RBBP8NL: variants seen among roughly 807,000 people sequenced by gnomAD.
The protein encoded by RBBP8NL is RBBP8 N-terminal-like protein.
RBBP8NL carries 59 observed loss-of-function variants against 62.2 expected under a neutral mutation model. The observed-to-expected ratio is 0.95, with a 90% CI of 0.77 to 1.18. The LOEUF (loss-of-function observed/expected upper bound fraction) is 1.18. RBBP8NL is among the 50% of genes most tolerant of loss of function. The probability of loss-of-function intolerance (pLI) is 0.00; values close to 1 mark genes in which losing one functional copy is unlikely to be tolerated. For missense variants in RBBP8NL, 896 were observed against 899.5 expected, an observed-to-expected ratio of 1.00 and a Z score of 0.05; for synonymous variants, 412 against 394.1, an observed-to-expected ratio of 1.05 and a Z score of -0.54.
rs969475456 is a variant in RBBP8NL, at chr20:62,410,835, G to T, written c.*43C>A. On this transcript the variant is annotated 3_prime_UTR_variant, in exon 14 of 14. Coordinates refer to ENST00000252998, the MANE Select transcript of RBBP8NL (RefSeq NM_080833.3). ...CCTCTCCAGGCCCTGGTGGGCAGGT[G>T]GAGGGCTGCCCCGGGCTCGCTGTGG... 2.0e-5 allele frequency: 27 copies of T among 1,368,240 alleles called. No homozygotes were observed. The highest frequency in any genetic ancestry group is 2.8e-5 in the Non-Finnish European group (27 of 964,968). The allele number at this position is 1,368,240 out of a possible 1,614,324, so 84.8% of individuals were successfully genotyped here.
At chr20:62,418,769 A>T (rs556045515) in intron 2 of RBBP8NL, among the ~76,000 whole-genome samples, 1 of 152,142 alleles carries the variant, frequency 6.6e-6, no homozygotes, top group African/African-American at 2.4e-5. Flanking sequence ...AGGTAGAGGG[A>T]CCGAGGGGCC....
chr20:62,413,426 C>T lies in RBBP8NL; in HGVS notation c.1650G>A (p.Gln550=). The T allele has an allele frequency of 6.9e-7, 1 of 1,457,780 alleles. No individual in the cohort carries two copies. Among genetic ancestry groups the T allele is most frequent in the Non-Finnish European group, 9.0e-7 (1 of 1,105,926 alleles). 90.3% of individuals were successfully genotyped at this position (1,457,780 alleles called of 1,614,324 possible). A position where few individuals can be genotyped will look rare whatever the true frequency, so the allele number is the denominator to read the frequency against. ...CTGGGTGGCCGTCCAGGTCAGGCGG[C>T]TGTGGGTGGGGAGGCGGCTGTGGGT... ...PPHPQPPPHP[Q]PPDLDGHPEP... is the part of the protein sequence containing the mutation. Residue 550 remains glutamine (Q), a synonymous_variant, in exon 11 of 14, where the codon CAG becomes CAA. Transcript: ENST00000252998.
In RBBP8NL at chr20:62,412,624, C is replaced by A. The variant is rs141582280; in HGVS notation, c.1876G>T (p.Ala626Ser). 1.3e-5 allele frequency: 21 copies of A among 1,603,528 alleles called. No individual in the cohort carries two copies. Among genetic ancestry groups the A allele is most frequent in the Non-Finnish European group, 1.4e-5 (16 of 1,179,754 alleles). The change falls in exon 13 of 14, where the codon GCC (alanine) becomes TCC (serine). Residue 626 changes from alanine (A) to serine (S), a missense_variant and splice_region_variant. Ala to Ser is a moderately conservative substitution (Grantham distance 99, BLOSUM62 1). Coordinates refer to ENST00000252998, the MANE Select transcript of RBBP8NL (RefSeq NM_080833.3). ...RKRASEPGDK[A>S]SKKPSRGRRK... ...TGCACCTGCCCCATGCCAGCTGTAC[C>A]TTTGTCCCCAGGCTCCGAGGCCCGC...
chr20:62,416,073 A>G (rs766896124), intron 6 of RBBP8NL, 91 bp downstream of exon 6: 3 of 1,478,678 alleles, frequency 2.0e-6, no homozygotes, highest in South Asian at 1.2e-5. Flanking sequence ...AGAGTCCTCC[A>G]TGGGCGGTTC....
chr20:62,417,095 G>A, intron 4 of RBBP8NL, 129 bp downstream of exon 4: 1 of 757,708 alleles, frequency 1.3e-6, no homozygotes, highest in Non-Finnish European at 2.1e-6. Context: ...ATGTCCTGCA[G>A]TGGGGAAACC....
chr20:62,413,867 GTGC>G lies in RBBP8NL; in HGVS notation c.1481_1483del (p.Gly494_Thr495delinsAla). On this transcript the variant is annotated inframe_deletion, in exon 10 of 14. Transcript: ENST00000252998. The stretch of plus-strand genomic sequence containing the variant: ...CTGCTCTGGCACTCTGGTCCCCTTG[GTGC>G]CATTGCTGAGTGCCTGGGGACTGCG... 1 of 1,596,466 alleles carries G rather than the reference GTGC, an allele frequency of 6.3e-7. No individual in the cohort carries two copies. The highest frequency in any genetic ancestry group is 2.3e-5 in the East Asian group (1 of 44,198).
chr20:62,415,119 AC>A lies in RBBP8NL; in HGVS notation c.794+1del. 6.8e-7 allele frequency: 1 copy of A among 1,461,224 alleles called. No homozygotes were observed. Among genetic ancestry groups the A allele is most frequent in the South Asian group, 1.4e-5 (1 of 70,252 alleles). 90.5% of individuals were successfully genotyped at this position (1,461,224 alleles called of 1,614,324 possible). ...CTGGGTGAGGGTGGGGCAGGCGGGC[AC>A]CTGTCCAGGGAGAGGCCACGCTCAT... On this transcript the variant is annotated splice_donor_variant, in intron 9 of 13. Coordinates refer to ENST00000252998, the MANE Select transcript of RBBP8NL (RefSeq NM_080833.3). LOFTEE classifies it high-confidence loss of function.
Position 62,410,845 on chromosome 20 carries a change from C to T in RBBP8NL, c.*33G>A, listed in dbSNP as rs753742391. On this transcript the variant is annotated 3_prime_UTR_variant, in exon 14 of 14. Transcript: ENST00000252998. ...CCCTGGTGGGCAGGTGGAGGGCTGC[C>T]CCGGGCTCGCTGTGGACCCTGGTGC... 2.7e-6 allele frequency: 4 copies of T among 1,484,940 alleles called. No homozygotes were observed. The highest frequency in any genetic ancestry group is 1.7e-5 in the Admixed American group (1 of 58,756). The allele number at this position is 1,484,940 out of a possible 1,614,324, so 92.0% of individuals were successfully genotyped here.
Position 62,410,624 on chromosome 20 carries a change from T to C in RBBP8NL, c.*254A>G. The C allele has an allele frequency of 9.9e-6, 5 of 505,642 alleles. No individual in the cohort carries two copies. The South Asian group carries it at 1.6e-4, about 16-fold the overall frequency. The allele number at this position is 505,642 out of a possible 1,614,324, so 31.3% of individuals were successfully genotyped here. On this transcript the variant is annotated 3_prime_UTR_variant, in exon 14 of 14. Coordinates refer to ENST00000252998, the MANE Select transcript of RBBP8NL (RefSeq NM_080833.3). ...ACCCCTCTCGGTCCTCCAGCCCCTC[T>C]TGAAGTGGGCCAGGATGTGCCCGTC...
rs748433153 is a variant in RBBP8NL at position 62,419,630 on chromosome 20, C to T, written c.18G>A (p.Glu6=). The change falls in exon 2 of 14, where the codon GAG becomes GAA. Residue 6 remains glutamate (E), a synonymous_variant. Coordinates refer to ENST00000252998, the MANE Select transcript of RBBP8NL (RefSeq NM_080833.3). ...GGATCTCCTTCAGCCTGTTCAGCGA[C>T]TCCATGAAGCTCTCCATGGCTCCCT... is the stretch of plus-strand genomic sequence containing the variant. MESFM[E]SLNRLKEIHE... is the part of the protein sequence containing the mutation. The T allele has an allele frequency of 3.7e-6, 6 of 1,613,362 alleles. No individual in the cohort carries two copies. In the African/African-American group the frequency reaches 5.3e-5, roughly 14 times the overall value.
rs1988590074 is a variant in RBBP8NL, at chr20:62,417,275, AGCTGGTG to A, written c.142_148del (p.His48SerfsTer8). The A allele has an allele frequency of 1.2e-6, 2 of 1,606,064 alleles. No individual in the cohort carries two copies. Among genetic ancestry groups the A allele is most frequent in the African/African-American group, 1.3e-5 (1 of 74,682 alleles). The stretch of plus-strand genomic sequence containing the variant: ...CTTCAGTGTCTTCTGCTGTTCCCGG[AGCTGGTG>A]GTTCTTGGAGAAGAGCTCCTCGATC... On this transcript the variant is annotated frameshift_variant, in exon 4 of 14. Coordinates refer to ENST00000252998, the MANE Select transcript of RBBP8NL (RefSeq NM_080833.3). LOFTEE classifies it high-confidence loss of function.
Position 62,419,596 on chromosome 20 carries a change from C to T in RBBP8NL, c.52G>A (p.Glu18Lys), listed in dbSNP as rs1384543401. The T allele has an allele frequency of 2.5e-6, 4 of 1,613,632 alleles. No homozygotes were observed. The East Asian group carries it at 8.9e-5, about 36-fold the overall frequency. The stretch of plus-strand genomic sequence containing the variant: ...GTCCCTGGCCCCTCACCCAGGACTT[C>T]CTTCTCGTGGATCTCCTTCAGCCTG... Reference protein sequence around the residue: ...LNRLKEIHEKEVLGLQNKLLE... With the variant: ...LNRLKEIHEKKVLGLQNKLLE... The change falls in exon 2 of 14, where the codon GAA becomes AAA. Residue 18 changes from glutamate (E) to lysine (K), a missense_variant. Coordinates refer to ENST00000252998, the MANE Select transcript of RBBP8NL (RefSeq NM_080833.3).
rs1344277350 is a variant in RBBP8NL at position 62,417,237 on chromosome 20, C to A, written c.187G>T (p.Val63Leu). Reference sequence around the variant, plus strand: ...TCCCAGGCCCACCTGTTCTCCAGCACCCGCAGGTTCTCCTTCAGTGTCTTC... The same window carrying A: ...TCCCAGGCCCACCTGTTCTCCAGCAACCGCAGGTTCTCCTTCAGTGTCTTC... Reference protein sequence around the residue: ...QQKTLKENLRVLENRLRAGLC... With the variant: ...QQKTLKENLRLLENRLRAGLC... The change falls in exon 4 of 14, where the codon GTG becomes TTG. Residue 63 changes from valine (V) to leucine (L), a missense_variant. Val to Leu is a conservative substitution (Grantham distance 32). Transcript: ENST00000252998. 1.7e-5 allele frequency: 27 copies of A among 1,603,024 alleles called. No homozygotes were observed. The highest frequency in any genetic ancestry group is 2.3e-5 in the Non-Finnish European group (27 of 1,174,852).
In RBBP8NL at chr20:62,413,012, G is replaced by A. The variant is rs574787242; in HGVS notation, c.1676-112C>T. On this transcript the variant is annotated intron_variant, in intron 11 of 13. Coordinates refer to ENST00000252998, the MANE Select transcript of RBBP8NL (RefSeq NM_080833.3). ...TCTGCAGATGGGGAAACTGAGGCAC[G>A]GAGGGCCAAGTGACCTGCCCCAGGG... 66 of 1,240,186 alleles carry A rather than the reference G, an allele frequency of 5.3e-5. No homozygotes were observed. In the East Asian group the frequency reaches 1.2e-3, roughly 23 times the overall value. 76.8% of individuals were successfully genotyped at this position (1,240,186 alleles called of 1,614,324 possible).
chr20:62,417,307 C>A lies in RBBP8NL; in HGVS notation c.117G>T (p.Arg39Ser). The A allele has an allele frequency of 6.3e-7, 1 of 1,597,968 alleles. No individual in the cohort carries two copies. The highest frequency in any genetic ancestry group is 8.5e-7 in the Non-Finnish European group (1 of 1,172,380). The change falls in exon 4 of 14, where the codon AGG becomes AGT. Residue 39 changes from arginine to serine, a missense_variant. Transcript: ENST00000252998. The part of the protein sequence containing the change: ...LNSERCRDAQ[R>S]IEELFSKNHQ... Reference sequence around the variant, plus strand: ...GGTTCTTGGAGAAGAGCTCCTCGATCCTCTGGGCGTCCCTGTGGTGGGAAA... The same window carrying A: ...GGTTCTTGGAGAAGAGCTCCTCGATACTCTGGGCGTCCCTGTGGTGGGAAA...
rs563566893 is a variant in RBBP8NL at position 62,425,012 on chromosome 20, C to T, written c.-84+2448G>A. The stretch of plus-strand genomic sequence containing the variant: ...CAGTCAGCAGCCCTGGTGGGGCTCT[C>T]GGACCCATCTCTGCTCTCTATGCGG... On this transcript the variant is annotated intron_variant, in intron 1 of 13. Coordinates refer to ENST00000252998, the MANE Select transcript of RBBP8NL (RefSeq NM_080833.3). 1.1e-4 allele frequency among the ~76,000 whole-genome samples: 16 copies of T among 152,276 alleles called. No homozygotes were observed. In the East Asian group the frequency reaches 1.2e-3, roughly 11 times the overall value.
At chr20:62,420,851 A>T (rs7272934) in intron 1 of RBBP8NL, among the ~76,000 whole-genome samples, 6,170 of 152,298 alleles carry the variant, frequency 0.041, 421 homozygotes, top group African/African-American at 0.14. Context: ...GGCAGTGGGT[A>T]TCTTGTGGTC....
intron 1 of RBBP8NL, among the ~76,000 whole-genome samples, chr20:62,425,175 T>C (rs746943972): frequency 2.0e-5 from 3 of 152,112 alleles, no homozygotes; most frequent in Non-Finnish European, 2.9e-5. Flanking sequence ...ACAGGAGCGC[T>C]CAGTGAGCAG....
intron 5 of RBBP8NL, 60 bp from the exon 6 acceptor site, chr20:62,416,296 G>T: frequency 8.0e-7 from 1 of 1,242,790 alleles, no homozygotes; most frequent in South Asian, 1.3e-5. Context: ...GGCAGGGGTG[G>T]GGTCGTCACA....
Sources: allele counts gnomAD v4.1 joint callset (sites outside exome capture counted in the v4.1 genomes callset), GRCh38; gene constraint gnomAD v4.1.1; transcripts MANE v1.5; gene names NCBI Gene and HGNC (gene_info 2026-07-23, HGNC 2026-07-21).